The following BEAN1 variants were observed in gnomAD, a reference collection of about 807,000 sequenced individuals.
The protein encoded by BEAN1 is protein BEAN1.
A neutral mutation model predicts 17.7 loss-of-function variants in BEAN1; 17 were observed. The ratio of observed to expected loss-of-function variants is 0.96; its 90% CI spans 0.66 to 1.44. The LOEUF (loss-of-function observed/expected upper bound fraction) is 1.44. Ranked by LOEUF, BEAN1 falls within the 40% of genes most tolerant of loss-of-function variation. The probability of loss-of-function intolerance (pLI) is 0.00; values close to 1 mark genes in which losing one functional copy is unlikely to be tolerated. For missense variants in BEAN1, 359 were observed against 374.1 expected, an observed-to-expected ratio of 0.96 and a Z score of 0.33; for synonymous variants, 142 against 151.8, an observed-to-expected ratio of 0.94 and a Z score of 0.47.
At chr16:66,483,471 C>T (rs1013551329), downstream of BEAN1, 8 of 152,714 alleles carry the variant, frequency 5.2e-5, no homozygotes, top group Admixed American at 3.3e-4. Context: ...TGGCTTGTAC[C>T]ACCAGGAAAG....
At chr16:66,455,304 A>G (rs1307991242) in intron 2 of BEAN1, among the ~76,000 whole-genome samples, 2 of 152,194 alleles carry the variant, frequency 1.3e-5, no homozygotes, top group Non-Finnish European at 2.9e-5. Flanking sequence ...GATTATTCAC[A>G]GCTACAACAG....
intron 2 of BEAN1, among the ~76,000 whole-genome samples, chr16:66,453,145 T>C (rs1357270774): frequency 2.0e-5 from 3 of 152,176 alleles, no homozygotes; most frequent in Middle Eastern, 3.2e-3. Context: ...ATTTCCTTCC[T>C]CTACTTGCTT....
intron 2 of BEAN1, among the ~76,000 whole-genome samples, chr16:66,468,628 G>A (rs989598235): frequency 1.3e-5 from 2 of 152,196 alleles, no homozygotes; most frequent in African/African-American, 4.8e-5. Context: ...ACTTACCAGC[G>A]CTGAGTCTCA....
intron 2 of BEAN1, among the ~76,000 whole-genome samples, chr16:66,454,714 TC>T (rs1962799806): frequency 6.7e-6 from 1 of 150,338 alleles, no homozygotes; most frequent in African/African-American, 2.5e-5. Context: ...GCATACATCT[TC>T]CTTTTCTTTC....
At position 66,434,570 on chromosome 16, in the gene BEAN1, C is replaced by T. The variant is rs916872311; in HGVS notation, c.-82-3025C>T. 6.6e-6 allele frequency among the ~76,000 whole-genome samples: 1 copy of T among 152,110 alleles called. No homozygotes were observed. Among genetic ancestry groups the T allele is most frequent in the Non-Finnish European group, 1.5e-5 (1 of 68,014 alleles). On this transcript the variant is annotated intron_variant, in intron 1 of 4. Coordinates refer to ENST00000536005, the MANE Select transcript of BEAN1 (RefSeq NM_001178020.3). This position sits in a 1 kb window ranked among gnomAD's most constrained non-coding sequence, Gnocchi z 4.3. ...GTTTTCCAAGGGTTTTGTGGGACAC[C>T]GCGTAGGTGCTTGGGAAATGAATCA... is the stretch of plus-strand genomic sequence containing the variant.
downstream of BEAN1, among the ~76,000 whole-genome samples, chr16:66,494,891 C>T (rs1964225059): frequency 6.6e-6 from 1 of 152,224 alleles, no homozygotes; most frequent in Admixed American, 6.5e-5. Flanking sequence ...TCATTGGGAT[C>T]CCAACAGAGG....
intron 3 of BEAN1, among the ~76,000 whole-genome samples, chr16:66,472,134 C>T (rs1221039430): frequency 6.6e-6 from 1 of 152,244 alleles, no homozygotes; most frequent in Non-Finnish European, 1.5e-5. Flanking sequence ...CCAGGCCCCG[C>T]TCAAAGGCTG....
chr16:66,435,346 C>G (rs1466058792), intron 1 of BEAN1, among the ~76,000 whole-genome samples: 1 of 152,200 alleles, frequency 6.6e-6, no homozygotes, highest in Admixed American at 6.5e-5. Flanking sequence ...ATGATGTCCC[C>G]CACCTCAAAA....
At chr16:66,472,063 T>TGGGCTCTTCCCTCTGCCC (rs1336603225) in intron 3 of BEAN1, among the ~76,000 whole-genome samples, 1 of 152,228 alleles carries the variant, frequency 6.6e-6, no homozygotes, top group African/African-American at 2.4e-5. Context: ...GCCCTTTGCC[T>TGGGCTCTTCCCTCTGCCC]GGGCTCTTCC....
chr16:66,492,930 C>T (rs1400047351), intron 4 of BEAN1: 1 of 689,242 alleles, frequency 1.5e-6, no homozygotes, highest in Non-Finnish European at 2.6e-6. Flanking sequence ...GAGGCCTGTC[C>T]CACTCCTAAC....
intron 2 of BEAN1, among the ~76,000 whole-genome samples, chr16:66,444,441 C>T (rs761413147): frequency 3.6e-4 from 55 of 152,156 alleles, no homozygotes; most frequent in Admixed American, 2.8e-3. Context: ...TGGCTGGAGG[C>T]AGGTCCCCTC....
At chr16:66,484,660 C>G, downstream of BEAN1, 1 of 454,044 alleles carries the variant, frequency 2.2e-6, no homozygotes, top group Non-Finnish European at 4.4e-6. This position sits in a 1 kb window ranked among gnomAD's most constrained non-coding sequence, Gnocchi z 4.2. Context: ...GAAGTGTTCC[C>G]AGGAGTACCA....
chr16:66,478,436 A>G (rs896785461), intron 4 of BEAN1, among the ~76,000 whole-genome samples: 1 of 151,948 alleles, frequency 6.6e-6, no homozygotes, highest in Non-Finnish European at 1.5e-5. Flanking sequence ...CCCCATCTCT[A>G]CTAAAAATAC....
At chr16:66,445,330 G>T (rs760764754) in intron 2 of BEAN1, among the ~76,000 whole-genome samples, 1 of 151,804 alleles carries the variant, frequency 6.6e-6, no homozygotes, top group Non-Finnish European at 1.5e-5. Context: ...CAAAAAATTA[G>T]CCGGGCGTGG....
At position 66,463,362 on chromosome 16, in the gene BEAN1, T is replaced by C. The variant is rs565483563; in HGVS notation, c.26-6240T>C. 4.5e-4 allele frequency among the ~76,000 whole-genome samples: 69 copies of C among 152,352 alleles called. 1 individual carries two copies. The South Asian group carries it at 0.012, about 27-fold the overall frequency. ...CTACTGGGTGTGAAATGGTATCTCA[T>C]TGTGGCTTTGATTTGCATTTCTCTG... On this transcript the variant is annotated intron_variant, in intron 2 of 4. Coordinates refer to ENST00000536005, the MANE Select transcript of BEAN1 (RefSeq NM_001178020.3).
intron 2 of BEAN1, among the ~76,000 whole-genome samples, chr16:66,441,892 C>T (rs1273379603): frequency 6.6e-6 from 1 of 152,174 alleles, no homozygotes; most frequent in Admixed American, 6.5e-5. Flanking sequence ...ACTTCCCCAC[C>T]CCTCAACACC....
At chr16:66,493,091 A>G (rs1265385247) in exon 5 of BEAN1, 2 of 702,994 alleles carry the variant, frequency 2.8e-6, no homozygotes, top group Admixed American at 2.0e-5. Context: ...GGCCATCAGC[A>G]AAGAGAATGT....
intron 1 of BEAN1, among the ~76,000 whole-genome samples, chr16:66,437,006 G>C (rs984637245): frequency 7.2e-5 from 11 of 152,182 alleles, no homozygotes; most frequent in African/African-American, 2.7e-4. Flanking sequence ...GTAGTTAGAA[G>C]CTGTGTGCCC....
chr16:66,475,118 C>G (rs1963682555), intron 3 of BEAN1, among the ~76,000 whole-genome samples: 1 of 152,188 alleles, frequency 6.6e-6, no homozygotes, highest in Non-Finnish European at 1.5e-5. Context: ...AAGTGGGAAG[C>G]AGGGCTTCCG....
Sources: allele counts gnomAD v4.1 joint callset (sites outside exome capture counted in the v4.1 genomes callset), GRCh38; gene constraint gnomAD v4.1.1; non-coding constraint Gnocchi (gnomAD v3.1); transcripts MANE v1.5; gene names NCBI Gene and HGNC (gene_info 2026-07-23, HGNC 2026-07-21).